Variants in ADAMTS19 observed in about 807,000 individuals in gnomAD.
ADAMTS19 encodes ADAM metallopeptidase with thrombospondin type 1 motif 19, also known as A disintegrin and metalloproteinase with thrombospondin motifs 19.
In ADAMTS19, 93 loss-of-function variants were observed where a neutral mutation model predicts 153.3. That is an observed-to-expected ratio of 0.61 (90% CI 0.51 to 0.72). The LOEUF (loss-of-function observed/expected upper bound fraction) is 0.72, where lower values mean the gene tolerates loss of function less well. Among genes scored for constraint, ADAMTS19 ranks in the 30% least tolerant of loss-of-function variants. The pLI is 0.00. For synonymous variants in ADAMTS19, 600 were observed against 556.6 expected (o/e 1.08, Z -1.10); for missense variants, 1,482 against 1,552.1 (o/e 0.95, Z 0.76).
chr5:129,569,415 A>G (rs984413953), intron 7 of ADAMTS19, among the ~76,000 whole-genome samples: 8 of 152,174 alleles, frequency 5.3e-5, no homozygotes, highest in Non-Finnish European at 1.2e-4. Context: ...TAAGTAATTG[A>G]TAAAACCAGT....
At chr5:129,592,926 C>T (rs578240999) in intron 7 of ADAMTS19, among the ~76,000 whole-genome samples, 1 of 152,096 alleles carries the variant, frequency 6.6e-6, no homozygotes, top group Non-Finnish European at 1.5e-5. Flanking sequence ...TAAGTATGCA[C>T]TCATCGTTTT....
intron 8 of ADAMTS19, among the ~76,000 whole-genome samples, chr5:129,605,375 C>G (rs888125456): frequency 1.3e-5 from 2 of 152,154 alleles, no homozygotes; most frequent in Non-Finnish European, 2.9e-5. Context: ...TTTGTTGAAA[C>G]TCAAACATAA....
intron 8 of ADAMTS19, among the ~76,000 whole-genome samples, chr5:129,620,416 T>G (rs1751726875): frequency 6.6e-6 from 1 of 152,090 alleles, no homozygotes; most frequent in South Asian, 2.1e-4. Context: ...TAAATAAAAA[T>G]ATTTACCTTA....
intron 2 of ADAMTS19, among the ~76,000 whole-genome samples, chr5:129,492,633 A>G (rs953885626): frequency 6.6e-6 from 1 of 152,014 alleles, no homozygotes; most frequent in Non-Finnish European, 1.5e-5. Flanking sequence ...GGACTTGCTT[A>G]TGTTTTCATT....
chr5:129,547,339 G>A lies in ADAMTS19; in HGVS notation c.1329-4525G>A, dbSNP rs564372503. ...CTTTCAGAGGGAACATGATACTGCTGACACATTGATTTTAGTGCAGTAAAG... is the reference window on the plus strand; with the variant it reads ...CTTTCAGAGGGAACATGATACTGCTAACACATTGATTTTAGTGCAGTAAAG... On this transcript the variant is annotated intron_variant, in intron 6 of 22. Transcript: ENST00000274487. 2.0e-5 allele frequency among the ~76,000 whole-genome samples: 3 copies of A among 150,944 alleles called. No individual in the cohort carries two copies. The East Asian group carries it at 5.8e-4, about 29-fold the overall frequency.
At chr5:129,499,000 G>C (rs1215361318) in intron 2 of ADAMTS19, among the ~76,000 whole-genome samples, 1 of 151,692 alleles carries the variant, frequency 6.6e-6, no homozygotes, top group African/African-American at 2.4e-5. Flanking sequence ...CTGCATGGCA[G>C]GTATTTAATA....
chr5:129,675,329 C>T (rs1754505359), intron 16 of ADAMTS19, among the ~76,000 whole-genome samples: 1 of 152,116 alleles, frequency 6.6e-6, no homozygotes, highest in Admixed American at 6.5e-5. Context: ...AGCACAATGT[C>T]TTCAAATAAT....
chr5:129,687,170 G>A (rs2127134368), intron 18 of ADAMTS19, among the ~76,000 whole-genome samples: 1 of 152,220 alleles, frequency 6.6e-6, no homozygotes, highest in East Asian at 1.9e-4. Flanking sequence ...ACATAGCTCA[G>A]ATAAGATTCT....
chr5:129,559,385 T>C (rs2126838480), intron 7 of ADAMTS19, among the ~76,000 whole-genome samples: 1 of 151,640 alleles, frequency 6.6e-6, no homozygotes, highest in South Asian at 2.1e-4. Flanking sequence ...ACATCAAGGG[T>C]GAATTAAAAA....
intron 6 of ADAMTS19, among the ~76,000 whole-genome samples, chr5:129,529,361 A>T (rs919311526): frequency 6.6e-6 from 1 of 152,136 alleles, no homozygotes; most frequent in Non-Finnish European, 1.5e-5. Flanking sequence ...ATTACACATG[A>T]TTTTCTGAAA....
At chr5:129,501,028 A>G (rs1046922190) in intron 2 of ADAMTS19, among the ~76,000 whole-genome samples, 3 of 152,142 alleles carry the variant, frequency 2.0e-5, no homozygotes. Context: ...TACATATACA[A>G]TACAAATATA....
intron 21 of ADAMTS19, among the ~76,000 whole-genome samples, chr5:129,732,002 T>C (rs1394952117): frequency 1.3e-5 from 2 of 152,136 alleles, no homozygotes; most frequent in Admixed American, 1.3e-4. Flanking sequence ...AAAATAACGG[T>C]ATTTTCTCAG....
At chr5:129,621,842 A>T (rs1331237615) in intron 9 of ADAMTS19, among the ~76,000 whole-genome samples, 1 of 152,138 alleles carries the variant, frequency 6.6e-6, no homozygotes, top group African/African-American at 2.4e-5. Context: ...AATATAGCTG[A>T]TATCTTATAT....
At chr5:129,567,767 C>A (rs1460991055) in intron 7 of ADAMTS19, among the ~76,000 whole-genome samples, 1 of 151,864 alleles carries the variant, frequency 6.6e-6, no homozygotes, top group African/African-American at 2.4e-5. Flanking sequence ...AAAAATATGA[C>A]TGAAGACTTC....
At chr5:129,519,268 T>G (rs1751710535) in intron 3 of ADAMTS19, among the ~76,000 whole-genome samples, 1 of 152,072 alleles carries the variant, frequency 6.6e-6, no homozygotes, top group Admixed American at 6.6e-5. Flanking sequence ...GGAAATGTCT[T>G]TTGGGAGCTA....
rs146763427 is a variant in ADAMTS19, at chr5:129,586,925, T to C, written c.1373-9634T>C. ...GATTAATTCTCAAATAAAAATGTCA[T>C]ATTTTGTTGTCTGTTTCCTCTAAGA... On this transcript the variant is annotated intron_variant, in intron 7 of 22. Coordinates refer to ENST00000274487, the MANE Select transcript of ADAMTS19 (RefSeq NM_133638.6). Among the ~76,000 whole-genome samples, 513 of 152,310 alleles carry C rather than the reference T, an allele frequency of 3.4e-3. 3 individuals are homozygous for C. Among genetic ancestry groups the C allele is most frequent in the Middle Eastern group, 0.01 (3 of 294 alleles).
intron 21 of ADAMTS19, among the ~76,000 whole-genome samples, chr5:129,726,053 T>C (rs1757199425): frequency 6.6e-6 from 1 of 152,178 alleles, no homozygotes; most frequent in Non-Finnish European, 1.5e-5. Context: ...TTGTTGTTTG[T>C]CTACGTCAAA....
At chr5:129,524,562 C>A (rs997952665) in intron 3 of ADAMTS19, among the ~76,000 whole-genome samples, 28 of 150,924 alleles carry the variant, frequency 1.9e-4, no homozygotes, top group Non-Finnish European at 2.4e-4. Flanking sequence ...ATCCATCTGA[C>A]AAAGGGCTAA....
At chr5:129,506,920 A>G (rs1751285106) in intron 2 of ADAMTS19, among the ~76,000 whole-genome samples, 1 of 151,958 alleles carries the variant, frequency 6.6e-6, no homozygotes, top group South Asian at 2.1e-4. Context: ...TTAAAAAGTT[A>G]TCCTCCAAAT....
Sources: gnomAD v4.1 joint callset for allele counts (sites outside exome capture counted in the v4.1 genomes callset) on GRCh38, gnomAD v4.1.1 for gene constraint, MANE v1.5 for transcripts, NCBI Gene and HGNC (gene_info 2026-07-23, HGNC 2026-07-21) for gene names.